Variants in PTMS observed in about 807,000 individuals in gnomAD.
PTMS encodes the protein parathymosin.
In PTMS, 5 loss-of-function variants were observed where a neutral mutation model predicts 18.4. The observed-to-expected ratio is 0.27, with a 90% CI of 0.14 to 0.57. PTMS has a LOEUF of 0.57. PTMS is among the 20% of genes least tolerant of loss of function. The probability of loss-of-function intolerance (pLI) is 0.92; values close to 1 mark genes in which losing one functional copy is unlikely to be tolerated. For missense variants in PTMS, 93 were observed against 124.6 expected (o/e 0.75, Z 1.21); for synonymous variants, 53 against 47.7 (o/e 1.11, Z -0.46).
rs1282302147 is a variant in PTMS, at chr12:6,769,626, G to A, written c.69G>A (p.Lys23=). The A allele has an allele frequency of 1.2e-6, 2 of 1,614,008 alleles. No homozygotes were observed. Among genetic ancestry groups the A allele is most frequent in the African/African-American group, 2.7e-5 (2 of 74,906 alleles). ...AGGACCTGAAGGAGAAGAAGGAGAA[G>A]GTGGAGGAGAAGGCAAGCCGGAAAG... ...SAKDLKEKKE[K]VEEKASRKER... The change falls in exon 2 of 5, where the codon AAG becomes AAA. Residue 23 remains lysine, a synonymous_variant. Transcript: ENST00000309083.
At chr12:6,769,437 G>C (rs1001438853) in intron 1 of PTMS, among the ~76,000 whole-genome samples, 166 bp from the exon 2 acceptor site, 10 of 152,036 alleles carry the variant, frequency 6.6e-5, no homozygotes, top group South Asian at 2.1e-4. Flanking sequence ...ACCCCTTCAT[G>C]GCCCTAATGT....
chr12:6,766,766 G>A lies in PTMS; in HGVS notation c.45+16G>A, dbSNP rs866808244. The A allele has an allele frequency of 1.4e-4, 145 of 1,066,638 alleles. 1 individual carries two copies. Among genetic ancestry groups the A allele is most frequent in the African/African-American group, 2.6e-4 (15 of 58,608 alleles). The allele number at this position is 1,066,638 out of a possible 1,614,324, so 66.1% of individuals were successfully genotyped here. A position where few individuals can be genotyped will look rare whatever the true frequency, so the allele number is the denominator to read the frequency against. On this transcript the variant is annotated intron_variant, in intron 1 of 4. Coordinates refer to ENST00000309083, the MANE Select transcript of PTMS (RefSeq NM_002824.6). ...GAGCGCCAAGGTACGGGCGGGGGCG[G>A]CGGCGGCCCGGACCTCGCGCAGCCC...
At position 6,770,276 on chromosome 12, in the gene PTMS, C is replaced by T. The variant is rs1592493342; in HGVS notation, c.258+58C>T. ...TCAGGGATGCAGCCGGGCTGGGCGC[C>T]CTTTGGATTTGGACCCAGATCCCTG... On this transcript the variant is annotated intron_variant, in intron 4 of 4. Coordinates refer to ENST00000309083, the MANE Select transcript of PTMS (RefSeq NM_002824.6). This position sits in a 1 kb window ranked among gnomAD's most constrained non-coding sequence, Gnocchi z 7.3. The T allele has an allele frequency of 6.2e-7, 1 of 1,611,804 alleles. No individual in the cohort carries two copies. Among genetic ancestry groups the T allele is most frequent in the South Asian group, 1.1e-5 (1 of 91,024 alleles).
chr12:6,769,498 G>T, intron 1 of PTMS, 105 bp from the exon 2 acceptor site: 1 of 1,276,640 alleles, frequency 7.8e-7, no homozygotes, highest in Non-Finnish European at 1.1e-6. Context: ...ACCTTATTCA[G>T]TTCACACACC....
At chr12:6,766,950 CCT>C (rs1941773589) in intron 1 of PTMS, among the ~76,000 whole-genome samples, 200 bp downstream of exon 1, 2 of 151,692 alleles carry the variant, frequency 1.3e-5, no homozygotes, top group Admixed American at 1.3e-4. Flanking sequence ...CTCTAGCTGC[CCT>C]GCGCGCACCA....
intron 1 of PTMS, 61 bp from the exon 2 acceptor site, chr12:6,769,542 C>T (rs1195205806): frequency 1.3e-6 from 2 of 1,552,900 alleles, no homozygotes; most frequent in Non-Finnish European, 8.9e-7. Context: ...ACTGGGGCTG[C>T]AGGGACTTAG....
intron 2 of PTMS, 83 bp downstream of exon 2, chr12:6,769,757 G>C (rs1446425020): frequency 2.5e-6 from 4 of 1,602,566 alleles, no homozygotes; most frequent in Admixed American, 3.4e-5. Context: ...CTTTCCTTCC[G>C]AGGGTGCTGG....
At position 6,766,662 on chromosome 12, in the gene PTMS, C is replaced by A; in HGVS notation, c.-44C>A. ...GTCCAGGGCCCCTCCGTCTCGGCCCCGGGACCCCGGCTCCCCGCCAGCCCC... is the reference window on the plus strand; with the variant it reads ...GTCCAGGGCCCCTCCGTCTCGGCCCAGGGACCCCGGCTCCCCGCCAGCCCC... On this transcript the variant is annotated 5_prime_UTR_variant, in exon 1 of 5. Coordinates refer to ENST00000309083, the MANE Select transcript of PTMS (RefSeq NM_002824.6). 9.1e-7 allele frequency: 1 copy of A among 1,096,244 alleles called. No individual in the cohort carries two copies. The highest frequency in any genetic ancestry group is 1.1e-6 in the Non-Finnish European group (1 of 895,062). 67.9% of individuals were successfully genotyped at this position (1,096,244 alleles called of 1,614,324 possible). A position where few individuals can be genotyped will look rare whatever the true frequency, so the allele number is the denominator to read the frequency against.
At chr12:6,768,532 C>G (rs895279446) in intron 1 of PTMS, among the ~76,000 whole-genome samples, 5 of 152,200 alleles carry the variant, frequency 3.3e-5, no homozygotes, top group African/African-American at 1.2e-4. Context: ...CCAGGGTGAT[C>G]TCACACAGGA....
chr12:6,766,758 C>CG lies in PTMS; in HGVS notation c.45+13dup. 9.5e-7 allele frequency: 1 copy of CG among 1,050,508 alleles called. No individual in the cohort carries two copies. Among genetic ancestry groups the CG allele is most frequent in the East Asian group, 8.0e-5 (1 of 12,574 alleles). 65.1% of individuals were successfully genotyped at this position (1,050,508 alleles called of 1,614,324 possible). A position where few individuals can be genotyped will look rare whatever the true frequency, so the allele number is the denominator to read the frequency against. Reference sequence around the variant, plus strand: ...GCCGAGTTGAGCGCCAAGGTACGGGCGGGGGCGGCGGCGGCCCGGACCTCG... The same window carrying CG: ...GCCGAGTTGAGCGCCAAGGTACGGGCGGGGGGCGGCGGCGGCCCGGACCTCG... On this transcript the variant is annotated intron_variant, in intron 1 of 4. Coordinates refer to ENST00000309083, the MANE Select transcript of PTMS (RefSeq NM_002824.6).
At chr12:6,769,502 A>G in intron 1 of PTMS, 101 bp from the exon 2 acceptor site, 1 of 1,298,212 alleles carries the variant, frequency 7.7e-7, no homozygotes, top group Non-Finnish European at 1.1e-6. Flanking sequence ...TATTCAGTTC[A>G]CACACCTCTA....
rs752062837 is a variant in PTMS, at chr12:6,770,438, C to T, written c.305C>T (p.Ala102Val). 12 of 1,606,634 alleles carry T rather than the reference C, an allele frequency of 7.5e-6. No homozygotes were observed. Among genetic ancestry groups the T allele is most frequent in the South Asian group, 2.2e-5 (2 of 90,928 alleles). ...KRQKTENGAS[A>V] is the part of the protein sequence containing the mutation. Reference sequence around the variant, plus strand: ...CAGAAGACAGAAAATGGGGCATCGGCGTGAGCCCCTGCCAACAGGCTGGGG... The same window carrying T: ...CAGAAGACAGAAAATGGGGCATCGGTGTGAGCCCCTGCCAACAGGCTGGGG... The change falls in exon 5 of 5, where the codon GCG (alanine) becomes GTG (valine). Residue 102 changes from alanine (A) to valine (V), a missense_variant. By Grantham distance (64) the Ala-to-Val change is moderately conservative (BLOSUM62 0). Coordinates refer to ENST00000309083, the MANE Select transcript of PTMS (RefSeq NM_002824.6). The surrounding 1 kb of genome is among the most constrained non-coding windows in gnomAD (Gnocchi z 7.3).
At position 6,769,954 on chromosome 12, in the gene PTMS, GAAACTGCC is replaced by G; in HGVS notation, c.152_159del (p.Glu51GlyfsTer8). 6.4e-7 allele frequency: 1 copy of G among 1,554,384 alleles called. No individual in the cohort carries two copies. The highest frequency in any genetic ancestry group is 8.7e-7 in the Non-Finnish European group (1 of 1,148,202). On this transcript the variant is annotated frameshift_variant, in exon 3 of 5. Transcript: ENST00000309083. LOFTEE classifies it high-confidence loss of function. ...GAACGGGGCTGAGGAGGAAGAAGAA[GAAACTGCC>G]GAGGATGGAGAGGAGGAAGATGAAG... is the stretch of plus-strand genomic sequence containing the variant.
rs907557354 is a variant in PTMS, at chr12:6,766,602, A to G, written c.-104A>G. 3 of 604,104 alleles carry G rather than the reference A, an allele frequency of 5.0e-6. No homozygotes were observed. Among genetic ancestry groups the G allele is most frequent in the African/African-American group, 4.4e-5 (2 of 45,410 alleles). The allele number at this position is 604,104 out of a possible 1,614,324, so 37.4% of individuals were successfully genotyped here. A position where few individuals can be genotyped will look rare whatever the true frequency, so the allele number is the denominator to read the frequency against. On this transcript the variant is annotated 5_prime_UTR_variant, in exon 1 of 5. Transcript: ENST00000309083. ...TGCCGCTGTCGCCGCCGCCGCCGCC[A>G]CCGCGCCAGGTTCCGGCCGCGGCCA... is the stretch of plus-strand genomic sequence containing the variant.
chr12:6,766,518 C>A lies in PTMS; in HGVS notation c.-188C>A. On this transcript the variant is annotated 5_prime_UTR_variant, in exon 1 of 5. Transcript: ENST00000309083. Reference sequence around the variant, plus strand: ...GTCTCCGCTCCAGACCCACCCCCGCCCCACCCCGCGCGCCTCTGCCGCCTC... The same window carrying A: ...GTCTCCGCTCCAGACCCACCCCCGCACCACCCCGCGCGCCTCTGCCGCCTC... The A allele has an allele frequency of 3.9e-6, 1 of 255,026 alleles. No individual in the cohort carries two copies. Among genetic ancestry groups the A allele is most frequent in the South Asian group, 3.6e-5 (1 of 27,564 alleles). 15.8% of individuals were successfully genotyped at this position (255,026 alleles called of 1,614,324 possible). A position where few individuals can be genotyped will look rare whatever the true frequency, so the allele number is the denominator to read the frequency against.
intron 1 of PTMS, among the ~76,000 whole-genome samples, chr12:6,768,359 TGAA>T (rs1268660494): frequency 2.6e-5 from 4 of 152,032 alleles, no homozygotes; most frequent in African/African-American, 7.3e-5. Flanking sequence ...GGCACAGAAA[TGAA>T]GACCTCACGG....
At chr12:6,767,003 A>C (rs1295982234) in intron 1 of PTMS, 1 of 160,216 alleles carries the variant, frequency 6.2e-6, no homozygotes, top group Non-Finnish European at 1.3e-5. Flanking sequence ...CGTCCCCCGC[A>C]GCCGTCCCCA....
In PTMS at chr12:6,770,094, C is replaced by T. The variant is rs369390988; in HGVS notation, c.197-63C>T. The T allele has an allele frequency of 1.7e-4, 266 of 1,610,578 alleles. No homozygotes were observed. Among genetic ancestry groups the T allele is most frequent in the Non-Finnish European group, 2.1e-4 (244 of 1,178,512 alleles). ...TGAAGACCTGAAGCAGGGCTGAGGGCGACCACGGGGGCTCTGCCAGAGCTT... is the reference window on the plus strand; with the variant it reads ...TGAAGACCTGAAGCAGGGCTGAGGGTGACCACGGGGGCTCTGCCAGAGCTT... On this transcript the variant is annotated intron_variant, in intron 3 of 4. Transcript: ENST00000309083. This position sits in a 1 kb window ranked among gnomAD's most constrained non-coding sequence, Gnocchi z 7.3.
Position 6,766,646 on chromosome 12 carries a change from C to T in PTMS, c.-60C>T, listed in dbSNP as rs1941769223. The T allele has an allele frequency of 2.0e-6, 2 of 1,023,372 alleles. No homozygotes were observed. The highest frequency in any genetic ancestry group is 2.4e-6 in the Non-Finnish European group (2 of 832,462). The allele number at this position is 1,023,372 out of a possible 1,614,324, so 63.4% of individuals were successfully genotyped here. ...GCGGCCACCCTCCGCCGTCCAGGGC[C>T]CCTCCGTCTCGGCCCCGGGACCCCG... On this transcript the variant is annotated 5_prime_UTR_variant, in exon 1 of 5. Coordinates refer to ENST00000309083, the MANE Select transcript of PTMS (RefSeq NM_002824.6).
Sources: allele counts gnomAD v4.1 joint callset (sites outside exome capture counted in the v4.1 genomes callset), GRCh38; gene constraint gnomAD v4.1.1; non-coding constraint Gnocchi (gnomAD v3.1); transcripts MANE v1.5; gene names NCBI Gene and HGNC (gene_info 2026-07-23, HGNC 2026-07-21).